MTOR: variants seen among roughly 807,000 people sequenced by gnomAD.
MTOR encodes serine/threonine-protein kinase mTOR.
In MTOR, 70 loss-of-function variants were observed where a neutral mutation model predicts 319.8. That is an observed-to-expected ratio of 0.22 (90% CI 0.18 to 0.27). MTOR has a LOEUF of 0.27. Among genes scored for constraint, MTOR ranks in the 10% least tolerant of loss-of-function variants. The pLI is 1.00. For synonymous variants in MTOR, 1,183 were observed against 1,211.4 expected (o/e 0.98, Z 0.49); for missense variants, 1,890 against 3,274.4 (o/e 0.58, Z 10.32).
At position 11,109,568 on chromosome 1, in the gene MTOR, T is replaced by C; in HGVS notation, c.7447+81A>G. On this transcript the variant is annotated intron_variant, in intron 55 of 57. Transcript: ENST00000361445. The surrounding 1 kb of genome is among the most constrained non-coding windows in gnomAD (Gnocchi z 4.0). ...AGGCAGTTTTGTTGCTTCATCTTGT[T>C]GACCCCTCTCAGGGTATAACACAGC... The C allele has an allele frequency of 2.8e-6, 4 of 1,407,176 alleles. No homozygotes were observed. The South Asian group carries it at 4.7e-5, about 16-fold the overall frequency. 87.2% of individuals were successfully genotyped at this position (1,407,176 alleles called of 1,614,324 possible).
intron 11 of MTOR, among the ~76,000 whole-genome samples, chr1:11,239,238 T>G (rs1356927422): frequency 6.6e-6 from 1 of 152,206 alleles, no homozygotes; most frequent in African/African-American, 2.4e-5. Flanking sequence ...CTCAACCCCT[T>G]ACATTCTCAG....
chr1:11,246,463 T>C (rs1648836131), intron 8 of MTOR, among the ~76,000 whole-genome samples: 1 of 152,164 alleles, frequency 6.6e-6, no homozygotes, highest in East Asian at 1.9e-4. Context: ...ACTAACAAAA[T>C]ACGGGTGATT....
chr1:11,156,572 G>A (rs1467617473), intron 30 of MTOR, among the ~76,000 whole-genome samples: 2 of 151,998 alleles, frequency 1.3e-5, no homozygotes, highest in Non-Finnish European at 2.9e-5. Flanking sequence ...AAATCACCCT[G>A]CTTCCTCCTT....
In MTOR at chr1:11,108,261, A is replaced by C. The variant is rs1557733925; in HGVS notation, c.7554T>G (p.Thr2518=). The part of the protein sequence containing the change: ...LTGRDFSHDD[T]LDVPTQVELL... ...GCTCAACTTGCGTTGGAACATCCAA[A>C]GTGTCATCATGAGAGAAGTCCCGAC... The change falls in exon 57 of 58, where the codon ACT becomes ACG. Residue 2518 remains threonine (T), a synonymous_variant. Transcript: ENST00000361445. The C allele has an allele frequency of 6.2e-7, 1 of 1,613,970 alleles. No homozygotes were observed. Among genetic ancestry groups the C allele is most frequent in the Non-Finnish European group, 8.5e-7 (1 of 1,179,852 alleles).
chr1:11,250,260 CCGGG>C (rs1649486766), intron 6 of MTOR, among the ~76,000 whole-genome samples: 1 of 134,938 alleles, frequency 7.4e-6, no homozygotes, highest in Admixed American at 7.3e-5. Context: ...GGGCGGCTGG[CCGGG>C]CAGGGGGCTG....
At chr1:11,231,475 G>T in intron 16 of MTOR, 41 bp from the exon 17 acceptor site, 1 of 1,608,282 alleles carries the variant, frequency 6.2e-7, no homozygotes, top group South Asian at 1.1e-5. Flanking sequence ...GCCAGTACGA[G>T]AGAAAAGAAA....
chr1:11,184,636 CAGG>C (rs1645257176), intron 28 of MTOR, among the ~76,000 whole-genome samples: 1 of 152,068 alleles, frequency 6.6e-6, no homozygotes, highest in African/African-American at 2.4e-5. Flanking sequence ...GAGGCTCAGG[CAGG>C]AGGACTGCTT....
At chr1:11,214,242 A>G (rs1646400363) in intron 20 of MTOR, among the ~76,000 whole-genome samples, 2 of 152,346 alleles carry the variant, frequency 1.3e-5, no homozygotes, top group Non-Finnish European at 1.5e-5. Context: ...AGCATCTGAT[A>G]TCTGTCCCTT....
intron 36 of MTOR, among the ~76,000 whole-genome samples, chr1:11,136,639 C>T (rs1408842900): frequency 4.6e-5 from 7 of 152,038 alleles, no homozygotes; most frequent in African/African-American, 1.7e-4. Flanking sequence ...GCTGAAACTA[C>T]AGGCACACAC....
intron 19 of MTOR, among the ~76,000 whole-genome samples, chr1:11,218,109 A>G (rs1283353058): frequency 1.3e-5 from 2 of 152,118 alleles, no homozygotes; most frequent in Non-Finnish European, 2.9e-5. Context: ...GATTCCCCAT[A>G]CAAATATGTA....
chr1:11,120,002 G>A (rs2100349639), intron 49 of MTOR, among the ~76,000 whole-genome samples: 2 of 150,208 alleles, frequency 1.3e-5, no homozygotes, highest in East Asian at 3.9e-4. Flanking sequence ...GGCCAAGGCA[G>A]GAGGATAGCT....
At chr1:11,194,658 A>G in intron 28 of MTOR, 4 of 1,614,190 alleles carry the variant, frequency 2.5e-6, no homozygotes, top group Non-Finnish European at 3.4e-6. Context: ...AGCTCCGCAA[A>G]GGTGAGATTT....
chr1:11,117,681 G>A (rs1642242288), intron 49 of MTOR, among the ~76,000 whole-genome samples: 1 of 152,086 alleles, frequency 6.6e-6, no homozygotes, highest in Non-Finnish European at 1.5e-5. Flanking sequence ...GATGACGATA[G>A]CCCCTGAGAA....
At chr1:11,196,849 T>TAAAAAA (rs78265735) in intron 28 of MTOR, among the ~76,000 whole-genome samples, 1 of 133,836 alleles carries the variant, frequency 7.5e-6, no homozygotes. Context: ...CGACTCCATC[T>TAAAAAA]AAAAAAAAAA....
At chr1:11,145,445 T>C (rs1250246744) in intron 32 of MTOR, among the ~76,000 whole-genome samples, 1 of 152,100 alleles carries the variant, frequency 6.6e-6, no homozygotes, top group Non-Finnish European at 1.5e-5. Context: ...GGTGTGATCT[T>C]GGCTCACTGC....
chr1:11,152,729 T>C (rs1644191225), intron 30 of MTOR, among the ~76,000 whole-genome samples: 1 of 152,178 alleles, frequency 6.6e-6, no homozygotes, highest in Non-Finnish European at 1.5e-5. Context: ...TCATGTCACC[T>C]CTGATGAACA....
At chr1:11,119,393 C>T (rs990107993) in intron 49 of MTOR, among the ~76,000 whole-genome samples, 4 of 150,742 alleles carry the variant, frequency 2.7e-5, no homozygotes, top group African/African-American at 4.9e-5. Context: ...GGTGAAACCC[C>T]GTCTCTATTA....
Position 11,166,989 on chromosome 1 carries a change from G to A in MTOR, c.4329+453C>T, listed in dbSNP as rs145930787. Among the ~76,000 whole-genome samples the A allele has an allele frequency of 6.4e-3, 968 of 152,186 alleles. 10 individuals carry two copies. The highest frequency in any genetic ancestry group is 0.022 in the African/African-American group (912 of 41,516). ...AAACCATCATTCTCAGTGAACTATCGCAAAGACAGAAAACCAAACACTGCA... is the reference window on the plus strand; with the variant it reads ...AAACCATCATTCTCAGTGAACTATCACAAAGACAGAAAACCAAACACTGCA... On this transcript the variant is annotated intron_variant, in intron 29 of 57. Transcript: ENST00000361445.
chr1:11,234,292 C>A, intron 13 of MTOR, 27 bp from the exon 14 acceptor site: 1 of 1,586,128 alleles, frequency 6.3e-7, no homozygotes, highest in South Asian at 1.2e-5. Flanking sequence ...CTCATATGTT[C>A]TCTATGGCAG....
Sources: allele counts gnomAD v4.1 joint callset (sites outside exome capture counted in the v4.1 genomes callset), GRCh38; gene constraint gnomAD v4.1.1; non-coding constraint Gnocchi (gnomAD v3.1); transcripts MANE v1.5; gene names NCBI Gene and HGNC (gene_info 2026-07-23, HGNC 2026-07-21).